Variants in PP2D1 observed in about 807,000 individuals in gnomAD.
The protein encoded by PP2D1 is protein phosphatase 2C like domain containing 1.
PP2D1 carries 25 observed loss-of-function variants against 30.2 expected under a neutral mutation model. That is an observed-to-expected ratio of 0.83 (90% CI 0.60 to 1.16). The LOEUF is 1.16. Ranked by LOEUF, PP2D1 falls within the 50% of genes most tolerant of loss-of-function variation. The pLI, the probability that PP2D1 is intolerant of heterozygous loss-of-function variation, is 0.00. For synonymous variants in PP2D1, 260 were observed against 258.9 expected, an observed-to-expected ratio of 1.00 and a Z score of -0.04; for missense variants, 760 against 742.4, an observed-to-expected ratio of 1.02 and a Z score of -0.28.
chr3:20,000,820 G>T (rs1410626463), intron 2 of PP2D1, among the ~76,000 whole-genome samples: 1 of 152,100 alleles, frequency 6.6e-6, no homozygotes, highest in Non-Finnish European at 1.5e-5. Flanking sequence ...TATCATATCT[G>T]TGCCTCTTTA....
At chr3:19,999,441 G>A (rs995503825) in intron 2 of PP2D1, among the ~76,000 whole-genome samples, 27 of 99,430 alleles carry the variant, frequency 2.7e-4, no homozygotes, top group Non-Finnish European at 4.5e-4. Context: ...GAGTGCAGTG[G>A]TGTGATCTCA....
intron 2 of PP2D1, among the ~76,000 whole-genome samples, chr3:19,991,826 G>T (rs1697123328): frequency 6.6e-6 from 1 of 152,076 alleles, no homozygotes; most frequent in African/African-American, 2.4e-5. Context: ...GAGGGGAAAT[G>T]AAAAATGTTT....
downstream of PP2D1, chr3:19,984,621 CT>C: frequency 6.2e-6 from 1 of 161,570 alleles, no homozygotes; most frequent in South Asian, 1.7e-4. Context: ...GGGGAGGGGG[CT>C]TTTGTTCCCT....
chr3:19,998,587 G>A (rs1559498465), intron 2 of PP2D1, among the ~76,000 whole-genome samples: 1 of 152,048 alleles, frequency 6.6e-6, no homozygotes, highest in African/African-American at 2.4e-5. Flanking sequence ...TAATTATTAT[G>A]TATCAATAAA....
chr3:19,989,169 A>G (rs1011333970), intron 2 of PP2D1, among the ~76,000 whole-genome samples: 3 of 152,044 alleles, frequency 2.0e-5, no homozygotes, highest in Admixed American at 6.6e-5. Context: ...CTCTGTCTCT[A>G]CTAAATACAA....
At chr3:19,982,835 A>C (rs760665175), downstream of PP2D1, among the ~76,000 whole-genome samples, 10 of 152,060 alleles carry the variant, frequency 6.6e-5, no homozygotes, top group African/African-American at 9.7e-5. Flanking sequence ...GGAAGGAAAT[A>C]GTAGATATGA....
At chr3:19,988,130 AAAGAGCAGGATAAC>A (rs1263015646) in intron 2 of PP2D1, among the ~76,000 whole-genome samples, 1 of 152,218 alleles carries the variant, frequency 6.6e-6, no homozygotes, top group Non-Finnish European at 1.5e-5. Flanking sequence ...CACCTTGAAA[AAAGAGCAGGATAAC>A]AGCGATGTTC....
At chr3:19,996,325 G>T (rs988496112) in intron 2 of PP2D1, among the ~76,000 whole-genome samples, 1 of 151,994 alleles carries the variant, frequency 6.6e-6, no homozygotes, top group Admixed American at 6.6e-5. Context: ...TAACAAATTA[G>T]AAAACCTAGA....
At chr3:20,008,868 A>G (rs1243623607) in intron 1 of PP2D1, among the ~76,000 whole-genome samples, 1 of 152,218 alleles carries the variant, frequency 6.6e-6, no homozygotes, top group East Asian at 1.9e-4. Flanking sequence ...CAAATGAGGT[A>G]AACGGTGAAA....
In PP2D1 at chr3:20,012,220, G is replaced by A. The variant is rs1697397409; in HGVS notation, c.-148C>T. On this transcript the variant is annotated 5_prime_UTR_variant, in exon 1 of 3. Coordinates refer to ENST00000389050, the MANE Select transcript of PP2D1 (RefSeq NM_001252657.2). ...TAGTGGTGATGGTGATGATAGCGAT[G>A]GTGGGCATTCCCCTCACTTGATGGT... 1.5e-6 allele frequency: 1 copy of A among 654,354 alleles called. No homozygotes were observed. The highest frequency in any genetic ancestry group is 2.6e-6 in the Non-Finnish European group (1 of 378,090). The allele number at this position is 654,354 out of a possible 1,614,324, so 40.5% of individuals were successfully genotyped here. A position where few individuals can be genotyped will look rare whatever the true frequency, so the allele number is the denominator to read the frequency against.
intron 2 of PP2D1, among the ~76,000 whole-genome samples, chr3:19,998,352 A>C (rs1033812844): frequency 2.0e-5 from 3 of 152,048 alleles, no homozygotes; most frequent in Non-Finnish European, 4.4e-5. Context: ...AGGTGCAAAC[A>C]TACAGTTAGA....
rs145726946 is a variant in PP2D1, at chr3:20,001,658, G to C, written c.462C>G (p.Asp154Glu). 625 of 1,535,960 alleles carry C rather than the reference G, an allele frequency of 4.1e-4. 3 individuals are homozygous for C. In the African/African-American group the frequency reaches 7.2e-3, roughly 18 times the overall value. Residue 154 changes from aspartate to glutamate, a missense_variant, in exon 2 of 3, where the codon GAC becomes GAG. Transcript: ENST00000389050. ...PAYYKIFDNI[D>E]RSVIYSQKIC... The stretch of plus-strand genomic sequence containing the variant: ...TTTTTTGAGAATATATGACACTCCT[G>C]TCAATGTTATCAAAAATCTTATAGT...
At position 19,985,686 on chromosome 3, in the gene PP2D1, A is replaced by C. The variant is rs766020133; in HGVS notation, c.1587T>G (p.Asn529Lys). The C allele has an allele frequency of 6.5e-7, 1 of 1,535,962 alleles. No individual in the cohort carries two copies. The highest frequency in any genetic ancestry group is 1.2e-5 in the South Asian group (1 of 84,058). Residue 529 changes from asparagine to lysine, a missense_variant, in exon 3 of 3, where the codon AAT (asparagine) becomes AAG (lysine). By Grantham distance (94) the Asn-to-Lys change is moderately conservative. Coordinates refer to ENST00000389050, the MANE Select transcript of PP2D1 (RefSeq NM_001252657.2). The part of the protein sequence containing the change: ...SVSEVRVSTT[N>K]SKENLSDSNY... ...TTGAATCGGATAAATTTTCTTTGGA[A>C]TTTGTAGTTGACACACGTACTTCAG...
intron 2 of PP2D1, among the ~76,000 whole-genome samples, chr3:19,990,402 G>C (rs1321728283): frequency 2.6e-5 from 4 of 152,178 alleles, no homozygotes; most frequent in African/African-American, 9.7e-5. Flanking sequence ...CAAAATGCTT[G>C]GTTTCCCAAA....
At chr3:19,983,848 T>G (rs749495889), downstream of PP2D1, 1 of 1,432,078 alleles carries the variant, frequency 7.0e-7, no homozygotes, top group Non-Finnish European at 9.8e-7. Context: ...CTAGCTGGAA[T>G]AGTCTTCTGC....
At chr3:19,988,625 ACTCC>A (rs1444247967) in intron 2 of PP2D1, among the ~76,000 whole-genome samples, 2 of 150,992 alleles carry the variant, frequency 1.3e-5, no homozygotes, top group African/African-American at 4.9e-5. Context: ...TTATTCGTAC[ACTCC>A]CTCCCGTTTG....
At chr3:20,000,074 T>C (rs115992592) in intron 2 of PP2D1, among the ~76,000 whole-genome samples, 2,597 of 152,274 alleles carry the variant, frequency 0.017, 63 homozygotes, top group African/African-American at 0.059. Context: ...TGCCACAAAG[T>C]CCCACTCGCG....
downstream of PP2D1, chr3:19,984,005 CT>C: frequency 1.8e-6 from 1 of 550,056 alleles, no homozygotes; most frequent in Non-Finnish European, 3.3e-6. Flanking sequence ...GCATGGGTCC[CT>C]CTCACTAATG....
intron 1 of PP2D1, among the ~76,000 whole-genome samples, chr3:20,003,299 A>G (rs1164713876): frequency 6.6e-6 from 1 of 151,986 alleles, no homozygotes; most frequent in African/African-American, 2.4e-5. Flanking sequence ...ATTGCTCCTG[A>G]AGACCTTCCA....
Sources: gnomAD v4.1 joint callset for allele counts (sites outside exome capture counted in the v4.1 genomes callset) on GRCh38, gnomAD v4.1.1 for gene constraint, MANE v1.5 for transcripts, NCBI Gene and HGNC (gene_info 2026-07-23, HGNC 2026-07-21) for gene names.